The following ST18 variants were observed in gnomAD, a reference collection of about 807,000 sequenced individuals.
The protein encoded by ST18 is suppression of tumorigenicity 18 protein.
In ST18, 50 loss-of-function variants were observed where a neutral mutation model predicts 110.0. The observed-to-expected ratio is 0.45, with a 90% CI of 0.36 to 0.58. The LOEUF (loss-of-function observed/expected upper bound fraction) is 0.58, where lower values mean the gene tolerates loss of function less well. Among genes scored for constraint, ST18 ranks in the 20% least tolerant of loss-of-function variants. The pLI is 0.00. For missense variants in ST18, 1,306 were observed against 1,280.1 expected, an observed-to-expected ratio of 1.02 and a Z score of -0.31; for synonymous variants, 461 against 452.4, an observed-to-expected ratio of 1.02 and a Z score of -0.24.
At chr8:52,178,640 A>C (rs2067976681) in intron 9 of ST18, among the ~76,000 whole-genome samples, 1 of 133,704 alleles carries the variant, frequency 7.5e-6, no homozygotes, top group Non-Finnish European at 1.5e-5. Context: ...AAAAAAAAAA[A>C]AAACCACCAA....
chr8:52,344,541 C>T (rs893367627), intron 2 of ST18, among the ~76,000 whole-genome samples: 18 of 152,088 alleles, frequency 1.2e-4, no homozygotes, highest in African/African-American at 3.6e-4. Flanking sequence ...GCTGGGATTA[C>T]GGGGGCCCAC....
intron 2 of ST18, among the ~76,000 whole-genome samples, chr8:52,366,949 T>C (rs1476751757): frequency 1.3e-5 from 2 of 152,150 alleles, no homozygotes; most frequent in Non-Finnish European, 2.9e-5. Flanking sequence ...ATCCTTAGGA[T>C]AGGCCTGGCA....
At chr8:52,373,346 T>A (rs903863448) in intron 2 of ST18, among the ~76,000 whole-genome samples, 2 of 152,062 alleles carry the variant, frequency 1.3e-5, no homozygotes, top group Non-Finnish European at 1.5e-5. Flanking sequence ...CTCCCAGTCA[T>A]CTCCCCTCAT....
chr8:52,325,481 C>T (rs1295078458), intron 2 of ST18, among the ~76,000 whole-genome samples: 1 of 152,068 alleles, frequency 6.6e-6, no homozygotes, highest in East Asian at 1.9e-4. Context: ...ATTACCATAT[C>T]TAAGAATGAC....
intron 13 of ST18, among the ~76,000 whole-genome samples, chr8:52,161,868 C>T (rs1241502271): frequency 3.3e-5 from 5 of 152,206 alleles, no homozygotes; most frequent in African/African-American, 1.2e-4. Context: ...ATATCATGAG[C>T]AGATATTTGA....
rs1392645895 is a variant in ST18 at position 52,245,961 on chromosome 8, T to G, written c.-464-15884A>C. 5.3e-5 allele frequency among the ~76,000 whole-genome samples: 8 copies of G among 152,262 alleles called. No individual in the cohort carries two copies. In the East Asian group the frequency reaches 1.3e-3, roughly 26 times the overall value. On this transcript the variant is annotated intron_variant, in intron 2 of 25. Coordinates refer to ENST00000689386, the MANE Select transcript of ST18 (RefSeq NM_001352837.2). ...GGAAATTCTCAGCAACAAAATTCTT[T>G]CAAGTTACAACTTAAATGTATAGAT...
chr8:52,376,299 A>G (rs1426582054), intron 2 of ST18, among the ~76,000 whole-genome samples: 1 of 152,076 alleles, frequency 6.6e-6, no homozygotes, highest in Non-Finnish European at 1.5e-5. Flanking sequence ...ACCTACACAC[A>G]GTTCAACACA....
intron 10 of ST18, among the ~76,000 whole-genome samples, chr8:52,168,668 G>A (rs770690022): frequency 6.6e-6 from 1 of 152,124 alleles, no homozygotes; most frequent in Non-Finnish European, 1.5e-5. Context: ...CCAGCAGCAG[G>A]CATTTACATT....
At chr8:52,207,973 G>C (rs77446602) in intron 8 of ST18, among the ~76,000 whole-genome samples, 2,376 of 152,288 alleles carry the variant, frequency 0.016, 48 homozygotes, top group African/African-American at 0.051. Context: ...GAAAGACACA[G>C]GTGAGTCTTC....
intron 2 of ST18, among the ~76,000 whole-genome samples, chr8:52,250,697 C>T (rs947164377): frequency 6.6e-6 from 1 of 151,434 alleles, no homozygotes; most frequent in African/African-American, 2.4e-5. Context: ...ACACTGGCTA[C>T]TGAAGCAGCC....
chr8:52,155,339 C>T (rs2132794910), intron 15 of ST18, among the ~76,000 whole-genome samples: 1 of 152,268 alleles, frequency 6.6e-6, no homozygotes, highest in African/African-American at 2.4e-5. Context: ...ATACTTAAAA[C>T]ATATGTAGGC....
At chr8:52,256,046 C>T (rs2094518388) in intron 2 of ST18, among the ~76,000 whole-genome samples, 1 of 152,218 alleles carries the variant, frequency 6.6e-6, no homozygotes, top group South Asian at 2.1e-4. Flanking sequence ...GGAGCGGAGC[C>T]TCCTAGCCTG....
chr8:52,243,572 G>C (rs1019865353), intron 2 of ST18, among the ~76,000 whole-genome samples: 1 of 152,062 alleles, frequency 6.6e-6, no homozygotes, highest in Non-Finnish European at 1.5e-5. Context: ...CATAAGGAAG[G>C]GCATCTTCAC....
chr8:52,330,546 T>A (rs1416417403), intron 2 of ST18, among the ~76,000 whole-genome samples: 1 of 152,236 alleles, frequency 6.6e-6, no homozygotes, highest in Non-Finnish European at 1.5e-5. Context: ...AGGAACCTTT[T>A]GGTAGAATAT....
intron 2 of ST18, chr8:52,406,516 G>A (rs1403662798): frequency 6.6e-6 from 1 of 152,210 alleles, no homozygotes. Flanking sequence ...AGAGTTTGGG[G>A]CCCTAGGAAC....
chr8:52,190,474 A>G (rs957102265), intron 8 of ST18, among the ~76,000 whole-genome samples: 3 of 152,140 alleles, frequency 2.0e-5, no homozygotes, highest in Non-Finnish European at 2.9e-5. Context: ...GTGGACTGCC[A>G]TCACGTCAAA....
At chr8:52,309,830 G>C (rs1339947589) in intron 2 of ST18, among the ~76,000 whole-genome samples, 1 of 151,990 alleles carries the variant, frequency 6.6e-6, no homozygotes, top group Admixed American at 6.5e-5. Flanking sequence ...GGACTCCAGA[G>C]TCAGCAGCTC....
At position 52,116,425 on chromosome 8, in the gene ST18, C is replaced by G. The variant is rs764165610; in HGVS notation, c.2860-7G>C. ...TGCTCTCCATAGATGTGATCTACAACAGAAATAACTTGGGAATGTGAGTAG... is the reference window on the plus strand; with the variant it reads ...TGCTCTCCATAGATGTGATCTACAAGAGAAATAACTTGGGAATGTGAGTAG... On this transcript the variant is annotated splice_region_variant and splice_polypyrimidine_tract_variant and intron_variant, in intron 24 of 25. Coordinates refer to ENST00000689386, the MANE Select transcript of ST18 (RefSeq NM_001352837.2). 2.5e-6 allele frequency: 4 copies of G among 1,608,308 alleles called. No individual in the cohort carries two copies. In the South Asian group the frequency reaches 3.3e-5, roughly 13 times the overall value.
chr8:52,254,706 T>C (rs992148669), intron 2 of ST18, among the ~76,000 whole-genome samples: 2 of 152,102 alleles, frequency 1.3e-5, no homozygotes, highest in Non-Finnish European at 2.9e-5. Flanking sequence ...GTAATGGAAG[T>C]GGTGCTTATT....
Sources: gnomAD v4.1 joint callset for allele counts (sites outside exome capture counted in the v4.1 genomes callset) on GRCh38, gnomAD v4.1.1 for gene constraint, MANE v1.5 for transcripts, NCBI Gene and HGNC (gene_info 2026-07-23, HGNC 2026-07-21) for gene names.